The following LYPD6B variants were observed in gnomAD, a reference collection of about 807,000 sequenced individuals.
LYPD6B encodes LY6/PLAUR domain containing 6B.
Under a neutral mutation model 22.8 loss-of-function variants are expected in LYPD6B, and 17 were observed. The ratio of observed to expected loss-of-function variants is 0.75; its 90% CI spans 0.51 to 1.12. The LOEUF (loss-of-function observed/expected upper bound fraction) is 1.12, where lower values mean the gene tolerates loss of function less well. LYPD6B is among the 50% of genes most tolerant of loss of function. The pLI is 0.00. For synonymous variants in LYPD6B, 106 were observed against 91.6 expected (o/e 1.16, Z -0.90); for missense variants, 221 against 258.3 (o/e 0.86, Z 0.99).
rs1339833584 is a variant in LYPD6B, at chr2:149,160,665, T to C, written c.6-99T>C. The C allele has an allele frequency of 6.1e-6, 5 of 824,776 alleles. No individual in the cohort carries two copies. In the East Asian group the frequency reaches 1.3e-4, roughly 22 times the overall value. 51.1% of individuals were successfully genotyped at this position (824,776 alleles called of 1,614,324 possible). A position where few individuals can be genotyped will look rare whatever the true frequency, so the allele number is the denominator to read the frequency against. ...TTCTATTCTGAAACATCTCCAAACA[T>C]CCAGAAACCTGCCTTTTGTTAGAAA... On this transcript the variant is annotated intron_variant, in intron 2 of 6. Transcript: ENST00000409642.
intron 2 of LYPD6B, among the ~76,000 whole-genome samples, chr2:149,145,891 C>A (rs1405845061): frequency 2.0e-5 from 3 of 152,172 alleles, no homozygotes; most frequent in African/African-American, 7.2e-5. Context: ...GTAGGGGAGG[C>A]AGCAGACCTC....
intron 3 of LYPD6B, among the ~76,000 whole-genome samples, chr2:149,186,907 G>A (rs1692144043): frequency 6.6e-6 from 1 of 152,136 alleles, no homozygotes; most frequent in Non-Finnish European, 1.5e-5. Context: ...AAACTTTATT[G>A]ATGACTTAAG....
At chr2:149,135,776 A>G (rs1039654804) in intron 2 of LYPD6B, among the ~76,000 whole-genome samples, 2 of 144,192 alleles carry the variant, frequency 1.4e-5, no homozygotes, top group Admixed American at 7.0e-5. Context: ...ATTTCTGTGG[A>G]GGTCTAAAAT....
intron 1 of LYPD6B, among the ~76,000 whole-genome samples, chr2:149,102,034 C>T (rs1317048868): frequency 3.9e-5 from 6 of 152,322 alleles, no homozygotes; most frequent in African/African-American, 1.2e-4. Flanking sequence ...GAGAGCTGCA[C>T]GTAGACCCAG....
At chr2:149,092,001 G>A (rs922112104) in intron 1 of LYPD6B, among the ~76,000 whole-genome samples, 1 of 152,006 alleles carries the variant, frequency 6.6e-6, no homozygotes, top group Non-Finnish European at 1.5e-5. Flanking sequence ...GTCCAGATTG[G>A]GCTGCGGGTG....
chr2:149,208,466 C>G, intron 5 of LYPD6B, 54 bp downstream of exon 5: 1 of 1,340,474 alleles, frequency 7.5e-7, no homozygotes. Context: ...TTGAATCTCT[C>G]CTGACTTGAT....
At chr2:149,138,893 A>C (rs1688523388) in intron 2 of LYPD6B, among the ~76,000 whole-genome samples, 1 of 152,238 alleles carries the variant, frequency 6.6e-6, no homozygotes. Flanking sequence ...TATGTTCAAC[A>C]TTCTCCAAAA....
chr2:149,159,589 C>CGTGTGT lies in LYPD6B; in HGVS notation c.6-1144_6-1139dup, dbSNP rs60129822. Among the ~76,000 whole-genome samples the CGTGTGT allele has an allele frequency of 5.7e-3, 826 of 145,898 alleles. 2 individuals are homozygous for CGTGTGT. The highest frequency in any genetic ancestry group is 0.011 in the African/African-American group (439 of 39,412). On this transcript the variant is annotated intron_variant, in intron 2 of 6. Coordinates refer to ENST00000409642, the MANE Select transcript of LYPD6B (RefSeq NM_177964.5). The stretch of plus-strand genomic sequence containing the variant: ...CCCTGCCCGAGAGAGCATATGTGTG[C>CGTGTGT]GTGTGTGTGTGTGTGTGTGTGTGTG...
intron 3 of LYPD6B, among the ~76,000 whole-genome samples, chr2:149,171,863 G>A (rs1319781319): frequency 6.6e-6 from 1 of 152,114 alleles, no homozygotes; most frequent in African/African-American, 2.4e-5. Context: ...GAGAGCCCAT[G>A]GCATTGTGAT....
At chr2:149,156,935 TG>T (rs1435950317) in intron 2 of LYPD6B, among the ~76,000 whole-genome samples, 1 of 152,124 alleles carries the variant, frequency 6.6e-6, no homozygotes, top group Non-Finnish European at 1.5e-5. Context: ...TTAGGGGAAG[TG>T]GGGGTGTGGT....
At chr2:149,140,242 A>G (rs892660226) in intron 2 of LYPD6B, among the ~76,000 whole-genome samples, 2 of 152,206 alleles carry the variant, frequency 1.3e-5, no homozygotes, top group Non-Finnish European at 2.9e-5. Context: ...ACCTAACACC[A>G]GCTTTTCTTG....
At chr2:149,178,606 T>G (rs1205762916) in intron 3 of LYPD6B, among the ~76,000 whole-genome samples, 1 of 152,232 alleles carries the variant, frequency 6.6e-6, no homozygotes, top group African/African-American at 2.4e-5. Context: ...TAACTCACCT[T>G]GCTTTTGAAA....
chr2:149,130,771 A>T (rs559599136), intron 1 of LYPD6B, 112 bp from the exon 2 acceptor site: 2 of 549,128 alleles, frequency 3.6e-6, no homozygotes, highest in Admixed American at 6.9e-5. Flanking sequence ...GAGCCTAAGG[A>T]TCTCTTTATG....
chr2:149,203,047 A>G (rs1193049313), intron 3 of LYPD6B, among the ~76,000 whole-genome samples: 2 of 152,200 alleles, frequency 1.3e-5, no homozygotes, highest in East Asian at 3.9e-4. Context: ...AGTGCTCAAT[A>G]AATAGAGCTT....
chr2:149,205,101 A>C (rs1304221172), intron 3 of LYPD6B, 152 bp from the exon 4 acceptor site: 2 of 733,028 alleles, frequency 2.7e-6, no homozygotes, highest in East Asian at 2.8e-5. Flanking sequence ...CATTTGATCA[A>C]AAACAATGCA....
At chr2:149,052,404 G>A (rs1683603732) in intron 1 of LYPD6B, among the ~76,000 whole-genome samples, 2 of 152,166 alleles carry the variant, frequency 1.3e-5, no homozygotes, top group South Asian at 4.1e-4. Context: ...TCTGGCTATG[G>A]CCAAATGAGG....
At chr2:149,153,559 G>C (rs577056619) in intron 2 of LYPD6B, among the ~76,000 whole-genome samples, 10 of 152,204 alleles carry the variant, frequency 6.6e-5, no homozygotes, top group African/African-American at 2.4e-4. Flanking sequence ...GGCGAATCAC[G>C]AGATCAGGAG....
Position 149,130,923 on chromosome 2 carries a change from C to T in LYPD6B, c.-26C>T. On this transcript the variant is annotated 5_prime_UTR_variant, in exon 2 of 7. Transcript: ENST00000409642. ...GCCTGCTGTTGGCAACCCTCCTGGACTAGGCTGCTCTTGTTAATCACATGG... is the reference window on the plus strand; with the variant it reads ...GCCTGCTGTTGGCAACCCTCCTGGATTAGGCTGCTCTTGTTAATCACATGG... 1 of 1,596,338 alleles carries T rather than the reference C, an allele frequency of 6.3e-7. No individual in the cohort carries two copies. Among genetic ancestry groups the T allele is most frequent in the Non-Finnish European group, 8.6e-7 (1 of 1,164,034 alleles).
chr2:149,128,375 A>T (rs1687828083), intron 1 of LYPD6B, among the ~76,000 whole-genome samples: 1 of 152,232 alleles, frequency 6.6e-6, no homozygotes, highest in South Asian at 2.1e-4. Flanking sequence ...TTTGGTTCAA[A>T]TTATAGATCC....
Sources: gnomAD v4.1 joint callset for allele counts (sites outside exome capture counted in the v4.1 genomes callset) on GRCh38, gnomAD v4.1.1 for gene constraint, MANE v1.5 for transcripts, NCBI Gene and HGNC (gene_info 2026-07-23, HGNC 2026-07-21) for gene names.